Variants in GLIS3 observed in about 807,000 individuals in gnomAD.
GLIS3 encodes the protein GLIS family zinc finger 3.
GLIS3 carries 53 observed loss-of-function variants against 78.6 expected under a neutral mutation model. That is an observed-to-expected ratio of 0.67 (90% confidence interval 0.54 to 0.85). The LOEUF is 0.85. Ranked by LOEUF, GLIS3 falls within the 40% of genes least tolerant of loss-of-function variation. The pLI, the probability that GLIS3 is intolerant of heterozygous loss-of-function variation, is 0.00. For synonymous variants in GLIS3, 684 were observed against 509.9 expected, an observed-to-expected ratio of 1.34 and a Z score of -4.60; for missense variants, 1,703 against 1,231.1, an observed-to-expected ratio of 1.38 and a Z score of -5.74.
At chr9:4,019,973 G>A (rs1822750240) in intron 4 of GLIS3, among the ~76,000 whole-genome samples, 1 of 152,140 alleles carries the variant, frequency 6.6e-6, no homozygotes, top group Non-Finnish European at 1.5e-5. Context: ...ACACAGGCTG[G>A]TCCTGAACTC....
At chr9:3,931,165 G>A (rs1221254549) in intron 6 of GLIS3, among the ~76,000 whole-genome samples, 2 of 152,024 alleles carry the variant, frequency 1.3e-5, no homozygotes, top group Non-Finnish European at 2.9e-5. Context: ...GGGTTTGTAT[G>A]CAATTAAGAC....
chr9:4,348,890 G>C (rs1230909292), upstream of GLIS3, among the ~76,000 whole-genome samples: 1 of 152,136 alleles, frequency 6.6e-6, no homozygotes, highest in Non-Finnish European at 1.5e-5. Flanking sequence ...TGGCTTTGTA[G>C]AGTAAAATTA....
intron 7 of GLIS3, among the ~76,000 whole-genome samples, chr9:3,893,652 T>G (rs1179476759): frequency 6.6e-6 from 1 of 152,190 alleles, no homozygotes; most frequent in East Asian, 1.9e-4. Context: ...TGCCTACATT[T>G]TATGATCCAG....
At chr9:4,404,926 CA>C in the GLIS3 span, among the ~76,000 whole-genome samples, 1 of 151,828 alleles carries the variant, frequency 6.6e-6, no homozygotes, top group African/African-American at 2.4e-5. Flanking sequence ...ACCAACAAAA[CA>C]AAAAGTTAAT....
intron 9 of GLIS3, among the ~76,000 whole-genome samples, chr9:3,850,116 C>G (rs1470582581): frequency 6.6e-6 from 1 of 152,132 alleles, no homozygotes; most frequent in African/African-American, 2.4e-5. Flanking sequence ...AATAAAATAT[C>G]AAGAGGAAAT....
At chr9:4,272,049 C>T (rs1027692576) in intron 2 of GLIS3, among the ~76,000 whole-genome samples, 2 of 152,298 alleles carry the variant, frequency 1.3e-5, no homozygotes, top group South Asian at 2.1e-4. Context: ...ATTGTGCCCT[C>T]GTCATGCGGC....
chr9:4,187,096 C>T (rs1817875848), intron 2 of GLIS3, among the ~76,000 whole-genome samples: 1 of 152,136 alleles, frequency 6.6e-6, no homozygotes, highest in African/African-American at 2.4e-5. Context: ...ATGGTAATGC[C>T]TAGGTTTTCT....
At chr9:4,355,067 G>C in the GLIS3 span, among the ~76,000 whole-genome samples, 1 of 150,552 alleles carries the variant, frequency 6.6e-6, no homozygotes, top group Non-Finnish European at 1.5e-5. Context: ...GGAGGCGGAG[G>C]TTGCAGTGAG....
chr9:4,030,978 C>T (rs1823787612), intron 4 of GLIS3, among the ~76,000 whole-genome samples: 1 of 151,978 alleles, frequency 6.6e-6, no homozygotes, highest in Non-Finnish European at 1.5e-5. Context: ...AGGATGGCTA[C>T]CAAAAAAATG....
At chr9:4,184,910 C>T (rs1411415597) in intron 2 of GLIS3, among the ~76,000 whole-genome samples, 2 of 152,148 alleles carry the variant, frequency 1.3e-5, no homozygotes, top group Non-Finnish European at 2.9e-5. Flanking sequence ...ATTACAGCCA[C>T]AGTTGCTGAC....
At position 4,096,225 on chromosome 9, in the gene GLIS3, A is replaced by T. The variant is rs367873508; in HGVS notation, c.1710+21543T>A. 3.3e-5 allele frequency among the ~76,000 whole-genome samples: 5 copies of T among 152,212 alleles called. No individual in the cohort carries two copies. The East Asian group carries it at 7.7e-4, about 23-fold the overall frequency. Reference sequence around the variant, plus strand: ...AAATCTGTGTTTCTACATAGTGCTAAAATAACCAGACGATGTGCGGTTAAT... The same window carrying T: ...AAATCTGTGTTTCTACATAGTGCTATAATAACCAGACGATGTGCGGTTAAT... On this transcript the variant is annotated intron_variant, in intron 4 of 10. Coordinates refer to ENST00000381971, the MANE Select transcript of GLIS3 (RefSeq NM_001042413.2).
chr9:3,914,142 TTCTTTCTTTC>T (rs1247400955), intron 6 of GLIS3, among the ~76,000 whole-genome samples: 1 of 126,352 alleles, frequency 7.9e-6, no homozygotes, highest in Non-Finnish European at 1.8e-5. Context: ...GGTAGTTTCT[TTCTTTCTTTC>T]TCTTTTTTTA....
chr9:4,417,546 G>C, the GLIS3 span, among the ~76,000 whole-genome samples: 1 of 152,068 alleles, frequency 6.6e-6, no homozygotes, highest in Non-Finnish European at 1.5e-5. Context: ...GTTTGTTCTT[G>C]CTGTTTTGTA....
intron 4 of GLIS3, among the ~76,000 whole-genome samples, chr9:4,027,034 T>C (rs1823404965): frequency 6.6e-6 from 1 of 152,072 alleles, no homozygotes; most frequent in African/African-American, 2.4e-5. Flanking sequence ...GAGAGAGCAA[T>C]GGGGATCCTT....
chr9:4,135,249 G>A (rs140092834), intron 2 of GLIS3, among the ~76,000 whole-genome samples: 99 of 152,108 alleles, frequency 6.5e-4, no homozygotes, highest in African/African-American at 2.4e-3. Flanking sequence ...ATATGTATTT[G>A]TGTATGTGTC....
intron 2 of GLIS3, among the ~76,000 whole-genome samples, chr9:4,334,553 G>A (rs569061530): frequency 3.5e-4 from 54 of 152,314 alleles, no homozygotes; most frequent in Non-Finnish European, 6.5e-4. Context: ...TTGCTCCAGC[G>A]TTGTCATGGG....
At chr9:4,052,065 A>C (rs752265879) in intron 4 of GLIS3, among the ~76,000 whole-genome samples, 11 of 152,324 alleles carry the variant, frequency 7.2e-5, no homozygotes, top group Non-Finnish European at 1.2e-4. Context: ...TTGGGGCTTA[A>C]AAGAATCAAT....
chr9:4,401,108 C>T, the GLIS3 span, among the ~76,000 whole-genome samples: 111 of 152,312 alleles, frequency 7.3e-4, 3 homozygotes, highest in East Asian at 0.021. Context: ...CAAGCAGGCA[C>T]TTGGGGTCCC....
At chr9:4,221,441 C>T (rs947364834) in intron 2 of GLIS3, among the ~76,000 whole-genome samples, 1 of 152,194 alleles carries the variant, frequency 6.6e-6, no homozygotes, top group Non-Finnish European at 1.5e-5. Flanking sequence ...GTGCAAAACA[C>T]ATGTATCATG....
Sources: allele counts gnomAD v4.1 joint callset (sites outside exome capture counted in the v4.1 genomes callset), GRCh38; gene constraint gnomAD v4.1.1; transcripts MANE v1.5; gene names NCBI Gene and HGNC (gene_info 2026-07-23, HGNC 2026-07-21).